TMIGD3: variants seen among roughly 807,000 people sequenced by gnomAD.
TMIGD3 encodes the protein transmembrane and immunoglobulin domain containing 3.
Under a neutral mutation model 28.1 loss-of-function variants are expected in TMIGD3, and 21 were observed. The ratio of observed to expected loss-of-function variants is 0.75; its 90% confidence interval spans 0.53 to 1.08. The LOEUF is 1.08. TMIGD3 is among the 50% of genes least tolerant of loss of function. The pLI, the probability that TMIGD3 is intolerant of heterozygous loss-of-function variation, is 0.00. For missense variants in TMIGD3, 416 were observed against 435.6 expected (o/e 0.96, Z 0.40); for synonymous variants, 151 against 162.1 (o/e 0.93, Z 0.52).
At chr1:111,500,826 A>G (rs939144402) in intron 1 of TMIGD3, 7 of 527,532 alleles carry the variant, frequency 1.3e-5, no homozygotes, top group African/African-American at 1.1e-4. Context: ...TCTTGAATGG[A>G]TAAGGAGGAT....
At chr1:111,495,904 A>C (rs1571406648) in intron 1 of TMIGD3, among the ~76,000 whole-genome samples, 1 of 152,384 alleles carries the variant, frequency 6.6e-6, no homozygotes, top group South Asian at 2.1e-4. Context: ...TAATGCAGTA[A>C]CAAAAAAACA....
chr1:111,548,491 T>G (rs1465391000), intron 1 of TMIGD3, among the ~76,000 whole-genome samples: 1 of 152,248 alleles, frequency 6.6e-6, no homozygotes, highest in Non-Finnish European at 1.5e-5. Context: ...TTTGTGCAGC[T>G]GATCTGGGCA....
rs74715306 is a variant in TMIGD3 at position 111,537,783 on chromosome 1, C to T, written c.107+26063G>A. Among the ~76,000 whole-genome samples, 1,232 of 152,210 alleles carry T rather than the reference C, an allele frequency of 8.1e-3. 15 individuals carry two copies. Among genetic ancestry groups the T allele is most frequent in the South Asian group, 0.047 (225 of 4,818 alleles). ...TTATTTTACCAAGCCTGAAGGTATG[C>T]CTAATCTAGAATAATACATTTTAAG... is the stretch of plus-strand genomic sequence containing the variant. On this transcript the variant is annotated intron_variant, in intron 1 of 5. Coordinates refer to the TMIGD3 transcript ENST00000369717.
rs1018138475 is a variant in TMIGD3, at chr1:111,552,921, A to G, written c.107+10925T>C. Among the ~76,000 whole-genome samples the G allele has an allele frequency of 4.6e-5, 7 of 152,264 alleles. No homozygotes were observed. In the East Asian group the frequency reaches 1.3e-3, roughly 29 times the overall value. On this transcript the variant is annotated intron_variant, in intron 1 of 5. Coordinates refer to the TMIGD3 transcript ENST00000369717. ...AAATTGTTAGGCACTAAATGCATCC[A>G]GCAAACATTTATTAAAGCTAAATTT...
At position 111,490,747 on chromosome 1, in the gene TMIGD3, C is replaced by T. The variant is rs768842715; in HGVS notation, c.366G>A (p.Gly122=). The T allele has an allele frequency of 6.2e-7, 1 of 1,613,382 alleles. No individual in the cohort carries two copies. Residue 122 remains glycine (G), a synonymous_variant, in exon 2 of 6, where the codon GGG becomes GGA. Coordinates refer to ENST00000369716, the MANE Select transcript of TMIGD3 (RefSeq NM_020683.7). The part of the protein sequence containing the change: ...VKLTVRFRIP[G]LPGCILSFQL... The stretch of plus-strand genomic sequence containing the variant: ...GGAATGATAGAATGCACCCAGGGAG[C>T]CCAGGAATTCTGAATCTGTTTAAGG...
Position 111,503,002 on chromosome 1 carries a change from T to C in TMIGD3, c.350+3A>G. On this transcript the variant is annotated splice_donor_region_variant and intron_variant, in intron 1 of 5. Coordinates refer to ENST00000369716, the MANE Select transcript of TMIGD3 (RefSeq NM_020683.7). The stretch of plus-strand genomic sequence containing the variant: ...TTGCTGCCCACCCCACGCCGCAGGC[T>C]ACCTGACGGTAAGCTTGACCCGCAA... 6.2e-7 allele frequency: 1 copy of C among 1,613,042 alleles called. No individual in the cohort carries two copies. Among genetic ancestry groups the C allele is most frequent in the Non-Finnish European group, 8.5e-7 (1 of 1,179,150 alleles).
chr1:111,557,268 G>T (rs138847267), intron 1 of TMIGD3, among the ~76,000 whole-genome samples: 1 of 152,130 alleles, frequency 6.6e-6, no homozygotes, highest in Non-Finnish European at 1.5e-5. Flanking sequence ...CTTACAGAAG[G>T]CCAGGCGTGG....
chr1:111,529,960 C>T (rs1252265998), intron 1 of TMIGD3, among the ~76,000 whole-genome samples: 1 of 138,524 alleles, frequency 7.2e-6, no homozygotes, highest in Admixed American at 6.8e-5. Flanking sequence ...GCAGAGGCGC[C>T]CCTCACCTCC....
chr1:111,502,826 AGT>A (rs1179944214), intron 1 of TMIGD3, among the ~76,000 whole-genome samples, 177 bp downstream of exon 1: 1 of 152,020 alleles, frequency 6.6e-6, no homozygotes, highest in Non-Finnish European at 1.5e-5. Flanking sequence ...CTAGCTCCTG[AGT>A]CCCAGCCCAT....
At chr1:111,532,862 C>T (rs528239248) in intron 1 of TMIGD3, among the ~76,000 whole-genome samples, 1 of 152,224 alleles carries the variant, frequency 6.6e-6, no homozygotes, top group Admixed American at 6.5e-5. Context: ...GAGCTGATAG[C>T]GGACCTGGTA....
chr1:111,535,319 C>A (rs915382122), intron 1 of TMIGD3, among the ~76,000 whole-genome samples: 4 of 152,188 alleles, frequency 2.6e-5, no homozygotes, highest in Admixed American at 6.5e-5. Context: ...GAAAAAATAT[C>A]ACACAGACGC....
chr1:111,542,709 T>C (rs868337528), intron 1 of TMIGD3, among the ~76,000 whole-genome samples: 2 of 152,148 alleles, frequency 1.3e-5, no homozygotes, highest in African/African-American at 2.4e-5. Context: ...TTTTTTTTCT[T>C]TTTTTGAGAT....
chr1:111,516,006 G>A (rs981230022), intron 1 of TMIGD3, among the ~76,000 whole-genome samples: 3 of 152,200 alleles, frequency 2.0e-5, no homozygotes, highest in African/African-American at 7.2e-5. Context: ...CCTGCTGAAG[G>A]ACTCATCTGA....
chr1:111,483,490 G>A lies in TMIGD3; in HGVS notation c.*197C>T, dbSNP rs1163299762. ...GATCTTGAGATGTTATTTGAGGGCA[G>A]CCTTGCTTGGGTGTGGTCTATCATA... On this transcript the variant is annotated 3_prime_UTR_variant, in exon 6 of 6. Coordinates refer to ENST00000369716, the MANE Select transcript of TMIGD3 (RefSeq NM_020683.7). 1 of 576,458 alleles carries A rather than the reference G, an allele frequency of 1.7e-6. No homozygotes were observed. Among genetic ancestry groups the A allele is most frequent in the East Asian group, 3.1e-5 (1 of 32,724 alleles). 35.7% of individuals were successfully genotyped at this position (576,458 alleles called of 1,614,324 possible).
intron 1 of TMIGD3, among the ~76,000 whole-genome samples, chr1:111,560,549 C>G (rs1191600849): frequency 6.6e-6 from 1 of 151,508 alleles, no homozygotes; most frequent in Non-Finnish European, 1.5e-5. Flanking sequence ...AGTGCAATGG[C>G]ACGATCATAG....
Position 111,514,461 on chromosome 1 carries a change from G to T in TMIGD3, c.108-23699C>A, listed in dbSNP as rs1655792602. Reference sequence around the variant, plus strand: ...ACCTGCAGTCCCAGCTACTTGGGAAGTCAGGGAGGTCAAGCCTGGGAGGTT... The same window carrying T: ...ACCTGCAGTCCCAGCTACTTGGGAATTCAGGGAGGTCAAGCCTGGGAGGTT... On this transcript the variant is annotated intron_variant, in intron 1 of 5. Transcript: ENST00000369717. 2.6e-5 allele frequency among the ~76,000 whole-genome samples: 4 copies of T among 152,116 alleles called. No homozygotes were observed. In the South Asian group the frequency reaches 8.3e-4, roughly 32 times the overall value.
Position 111,496,687 on chromosome 1 carries a change from T to C in TMIGD3, c.351-5925A>G, listed in dbSNP as rs549569468. Among the ~76,000 whole-genome samples the C allele has an allele frequency of 1.4e-4, 22 of 152,334 alleles. 1 individual carries two copies. Among genetic ancestry groups the C allele is most frequent in the African/African-American group, 1.7e-4 (7 of 41,576 alleles). On this transcript the variant is annotated intron_variant, in intron 1 of 5. Transcript: ENST00000369716. ...CTGGTGCTGCCCAATTCATGAATCATTGAATGCTCAAATAAACTCATTAAA... is the reference window on the plus strand; with the variant it reads ...CTGGTGCTGCCCAATTCATGAATCACTGAATGCTCAAATAAACTCATTAAA...
chr1:111,521,919 A>G (rs1656075033), intron 1 of TMIGD3, among the ~76,000 whole-genome samples: 1 of 152,166 alleles, frequency 6.6e-6, no homozygotes, highest in African/African-American at 2.4e-5. Context: ...TTACATTTCA[A>G]GTTAATTTTT....
At position 111,489,086 on chromosome 1, in the gene TMIGD3, A is replaced by T. The variant is rs1055605488; in HGVS notation, c.458-62T>A. The T allele has an allele frequency of 5.5e-6, 8 of 1,453,794 alleles. No homozygotes were observed. In the Admixed American group the frequency reaches 1.6e-4, roughly 29 times the overall value. 90.1% of individuals were successfully genotyped at this position (1,453,794 alleles called of 1,614,324 possible). On this transcript the variant is annotated intron_variant, in intron 2 of 5. Transcript: ENST00000369716. ...ACACACACCATTGTTCTCTCAAAACATTGCAGCTCCTGCCCTCCTGAAGGA... is the reference window on the plus strand; with the variant it reads ...ACACACACCATTGTTCTCTCAAAACTTTGCAGCTCCTGCCCTCCTGAAGGA...
Sources: gnomAD v4.1 joint callset for allele counts (sites outside exome capture counted in the v4.1 genomes callset) on GRCh38, gnomAD v4.1.1 for gene constraint, MANE v1.5 for transcripts, NCBI Gene and HGNC (gene_info 2026-07-23, HGNC 2026-07-21) for gene names.